Variants in TP53I11 observed in about 807,000 individuals in gnomAD.
TP53I11 encodes tumor protein p53 inducible protein 11.
A neutral mutation model predicts 23.3 loss-of-function variants in TP53I11; 9 were observed. The observed-to-expected ratio is 0.39, with a 90% CI of 0.23 to 0.67. TP53I11 has a LOEUF of 0.67. Ranked by LOEUF, TP53I11 falls within the 30% of genes least tolerant of loss-of-function variation. The probability of loss-of-function intolerance (pLI) is 0.48; values close to 1 mark genes in which losing one functional copy is unlikely to be tolerated. For synonymous variants in TP53I11, 100 were observed against 106.1 expected (o/e 0.94, Z 0.35); for missense variants, 170 against 255.2 (o/e 0.67, Z 2.27).
rs543665821 is a variant in TP53I11, at chr11:44,934,590, T to C, written c.*294A>G. On this transcript the variant is annotated 3_prime_UTR_variant, in exon 7 of 7. Transcript: ENST00000525680. ...CCAGCCTGACTTTAGTCAGTGTCTA[T>C]TGAGGGGGTCTGGAGGCCAAGAGAC... 1.6e-5 allele frequency: 6 copies of C among 372,636 alleles called. No individual in the cohort carries two copies. Among genetic ancestry groups the C allele is most frequent in the East Asian group, 1.0e-4 (2 of 19,160 alleles). 23.1% of individuals were successfully genotyped at this position (372,636 alleles called of 1,614,324 possible). A position where few individuals can be genotyped will look rare whatever the true frequency, so the allele number is the denominator to read the frequency against.
chr11:44,936,534 C>A lies in TP53I11; in HGVS notation c.334+269G>T. ...CTGGGCTTCCTCCATCTCTGTACCA[C>A]AACGCCCAGAGGCAGTGCACACACT... is the stretch of plus-strand genomic sequence containing the variant. On this transcript the variant is annotated intron_variant, in intron 5 of 6. Transcript: ENST00000525680. This position sits in a 1 kb window ranked among gnomAD's most constrained non-coding sequence, Gnocchi z 4.4. 1 of 1,254,462 alleles carries A rather than the reference C, an allele frequency of 8.0e-7. No homozygotes were observed. Among genetic ancestry groups the A allele is most frequent in the Non-Finnish European group, 1.0e-6 (1 of 1,000,088 alleles). 77.7% of individuals were successfully genotyped at this position (1,254,462 alleles called of 1,614,324 possible).
chr11:44,943,877 C>G (rs1229876647), intron 1 of TP53I11, among the ~76,000 whole-genome samples: 1 of 152,230 alleles, frequency 6.6e-6, no homozygotes, highest in Non-Finnish European at 1.5e-5. Flanking sequence ...GTGGAATGAG[C>G]AGCTGTCAGG....
Position 44,935,673 on chromosome 11 carries a change from GGATGAAAA to G in TP53I11, c.335-19_335-12del. ...TGATCAGGGAGATGCCTGGGGCGGG[GGATGAAAA>G]GGGGGCTGGGGGTGGGACAGCTGAC... On this transcript the variant is annotated splice_polypyrimidine_tract_variant and intron_variant, in intron 5 of 6. Coordinates refer to ENST00000525680, the MANE Select transcript of TP53I11 (RefSeq NM_006034.5). 1 of 1,491,098 alleles carries G rather than the reference GGATGAAAA, an allele frequency of 6.7e-7. No individual in the cohort carries two copies. The highest frequency in any genetic ancestry group is 1.4e-5 in the African/African-American group (1 of 71,958). The allele number at this position is 1,491,098 out of a possible 1,614,324, so 92.4% of individuals were successfully genotyped here.
intron 6 of TP53I11, 146 bp downstream of exon 6, chr11:44,935,415 G>A: frequency 1.4e-6 from 1 of 708,648 alleles, no homozygotes; most frequent in Non-Finnish European, 2.4e-6. Flanking sequence ...AGTAAACACA[G>A]CCAGGTGAGT....
chr11:44,933,630 C>G lies in TP53I11; in HGVS notation c.*1254G>C, dbSNP rs965619439. ...CTGGGCGGTGGGTATGCAGCACAGG[C>G]TGGTGGGCCCTCAGAGGCAGGGCAG... On this transcript the variant is annotated 3_prime_UTR_variant, in exon 7 of 7. Coordinates refer to ENST00000525680, the MANE Select transcript of TP53I11 (RefSeq NM_006034.5). 13 of 154,452 alleles carry G rather than the reference C, an allele frequency of 8.4e-5. No individual in the cohort carries two copies. The highest frequency in any genetic ancestry group is 3.1e-4 in the African/African-American group (13 of 41,414). 9.6% of individuals were successfully genotyped at this position (154,452 alleles called of 1,614,324 possible). A position where few individuals can be genotyped will look rare whatever the true frequency, so the allele number is the denominator to read the frequency against.
intron 1 of TP53I11, among the ~76,000 whole-genome samples, chr11:44,948,104 G>T (rs189770370): frequency 2.0e-5 from 3 of 152,268 alleles, no homozygotes; most frequent in Admixed American, 2.0e-4. Context: ...CTGGCCCTGG[G>T]AGGGGTCCAG....
chr11:44,938,625 A>G (rs780715704), intron 1 of TP53I11, among the ~76,000 whole-genome samples: 2 of 152,222 alleles, frequency 1.3e-5, no homozygotes, highest in Non-Finnish European at 2.9e-5. Flanking sequence ...ATGGTGCCTT[A>G]GAGCCAGCCC....
Position 44,934,678 on chromosome 11 carries a change from C to T in TP53I11, c.*206G>A. 4.6e-6 allele frequency: 3 copies of T among 652,612 alleles called. No individual in the cohort carries two copies. The highest frequency in any genetic ancestry group is 2.0e-5 in the South Asian group (1 of 51,036). 40.4% of individuals were successfully genotyped at this position (652,612 alleles called of 1,614,324 possible). ...GGGCAGCAGAGGCCCTGTCTCTCCC[C>T]AGACCAGCATGTCAAGCCTGAAAGC... is the stretch of plus-strand genomic sequence containing the variant. On this transcript the variant is annotated 3_prime_UTR_variant, in exon 7 of 7. Coordinates refer to ENST00000525680, the MANE Select transcript of TP53I11 (RefSeq NM_006034.5).
rs1436103752 is a variant in TP53I11, at chr11:44,936,674, G to A, written c.334+129C>T. 50 of 1,372,074 alleles carry A rather than the reference G, an allele frequency of 3.6e-5. No individual in the cohort carries two copies. Among genetic ancestry groups the A allele is most frequent in the Admixed American group, 1.0e-4 (3 of 28,920 alleles). The allele number at this position is 1,372,074 out of a possible 1,614,324, so 85.0% of individuals were successfully genotyped here. A position where few individuals can be genotyped will look rare whatever the true frequency, so the allele number is the denominator to read the frequency against. ...AGCAGAGAGCTTCATCAGAGGCCGGGGTGTGGGCGCAGCATCTGGCCGAAG... is the reference window on the plus strand; with the variant it reads ...AGCAGAGAGCTTCATCAGAGGCCGGAGTGTGGGCGCAGCATCTGGCCGAAG... On this transcript the variant is annotated intron_variant, in intron 5 of 6. Transcript: ENST00000525680. The surrounding 1 kb of genome is among the most constrained non-coding windows in gnomAD (Gnocchi z 4.4).
intron 1 of TP53I11, among the ~76,000 whole-genome samples, chr11:44,946,480 G>C (rs1394051784): frequency 1.3e-5 from 2 of 152,270 alleles, no homozygotes; most frequent in Non-Finnish European, 2.9e-5. Flanking sequence ...CCAGGCTGCT[G>C]CAAAGAGTGA....
At chr11:44,946,115 G>T (rs1862370065) in intron 1 of TP53I11, among the ~76,000 whole-genome samples, 1 of 152,206 alleles carries the variant, frequency 6.6e-6, no homozygotes, top group Non-Finnish European at 1.5e-5. Context: ...ATGGGGCGGT[G>T]GTCCCTGAGT....
At chr11:44,947,270 G>A (rs569173434) in intron 1 of TP53I11, 12 of 379,442 alleles carry the variant, frequency 3.2e-5, no homozygotes, top group Admixed American at 2.8e-4. Flanking sequence ...AGGCCAGCCT[G>A]CCCCTTGGCC....
At chr11:44,942,548 C>T (rs1266658357) in intron 1 of TP53I11, among the ~76,000 whole-genome samples, 1 of 152,226 alleles carries the variant, frequency 6.6e-6, no homozygotes, top group Non-Finnish European at 1.5e-5. Context: ...CGTGTCAGTG[C>T]CCACCTGCTG....
At chr11:44,937,063 G>A (rs1255450116) in intron 4 of TP53I11, 164 bp from the exon 5 acceptor site, 2 of 736,094 alleles carry the variant, frequency 2.7e-6, no homozygotes, top group Non-Finnish European at 4.5e-6. Context: ...CCCATGCCAG[G>A]ACAGAAAACT....
intron 1 of TP53I11, among the ~76,000 whole-genome samples, chr11:44,942,574 G>T (rs1862000139): frequency 6.6e-6 from 1 of 152,194 alleles, no homozygotes; most frequent in South Asian, 2.1e-4. Flanking sequence ...GGGAAGAGTG[G>T]GCACTACAGT....
Position 44,936,712 on chromosome 11 carries a change from GC to G in TP53I11, c.334+90del. 1 of 1,348,422 alleles carries G rather than the reference GC, an allele frequency of 7.4e-7. No homozygotes were observed. The highest frequency in any genetic ancestry group is 9.6e-7 in the Non-Finnish European group (1 of 1,042,474). 83.5% of individuals were successfully genotyped at this position (1,348,422 alleles called of 1,614,324 possible). Reference sequence around the variant, plus strand: ...CATCTGGCCGAAGAAAGGAAGGGGTGCCCGGGCACGGACCCCCGTGCTCTCC... The same window carrying G: ...CATCTGGCCGAAGAAAGGAAGGGGTGCCGGGCACGGACCCCCGTGCTCTCC... On this transcript the variant is annotated intron_variant, in intron 5 of 6. Transcript: ENST00000525680. This position sits in a 1 kb window ranked among gnomAD's most constrained non-coding sequence, Gnocchi z 4.4.
Position 44,934,728 on chromosome 11 carries a change from G to T in TP53I11, c.*156C>A. The T allele has an allele frequency of 2.0e-6, 2 of 997,636 alleles. No homozygotes were observed. Among genetic ancestry groups the T allele is most frequent in the Non-Finnish European group, 2.9e-6 (2 of 695,130 alleles). 61.8% of individuals were successfully genotyped at this position (997,636 alleles called of 1,614,324 possible). A position where few individuals can be genotyped will look rare whatever the true frequency, so the allele number is the denominator to read the frequency against. On this transcript the variant is annotated 3_prime_UTR_variant, in exon 7 of 7. Coordinates refer to ENST00000525680, the MANE Select transcript of TP53I11 (RefSeq NM_006034.5). ...CCCAGGAGATCACAGCACACGGGGTGCCCAGGAGGAAAGGAAGGCCCCCCA... is the reference window on the plus strand; with the variant it reads ...CCCAGGAGATCACAGCACACGGGGTTCCCAGGAGGAAAGGAAGGCCCCCCA...
intron 1 of TP53I11, among the ~76,000 whole-genome samples, chr11:44,944,184 G>A (rs980811027): frequency 4.6e-5 from 7 of 152,168 alleles, no homozygotes; most frequent in Non-Finnish European, 7.3e-5. Context: ...GCAGTGGGGG[G>A]TCTGGACAGC....
At chr11:44,948,039 G>A (rs891810418) in intron 1 of TP53I11, among the ~76,000 whole-genome samples, 1 of 152,192 alleles carries the variant, frequency 6.6e-6, no homozygotes, top group South Asian at 2.1e-4. Context: ...GTCATAGGAA[G>A]GAAGTGGGAT....
Sources: gnomAD v4.1 joint callset for allele counts (sites outside exome capture counted in the v4.1 genomes callset) on GRCh38, gnomAD v4.1.1 for gene constraint, Gnocchi (gnomAD v3.1) non-coding constraint, MANE v1.5 for transcripts, NCBI Gene and HGNC (gene_info 2026-07-23, HGNC 2026-07-21) for gene names.